Variants in ADAMTSL1 observed in about 807,000 individuals in gnomAD.
ADAMTSL1 encodes ADAMTS like 1, also known as ADAMTS-like protein 1.
In ADAMTSL1, 126 loss-of-function variants were observed where a neutral mutation model predicts 201.8. That is an observed-to-expected ratio of 0.62 (90% CI 0.54 to 0.72). The LOEUF is 0.72. Among genes scored for constraint, ADAMTSL1 ranks in the 30% least tolerant of loss-of-function variants. The pLI, the probability that ADAMTSL1 is intolerant of heterozygous loss-of-function variation, is 0.00. For synonymous variants in ADAMTSL1, 1,121 were observed against 903.4 expected, an observed-to-expected ratio of 1.24 and a Z score of -4.32; for missense variants, 2,679 against 2,277.8, an observed-to-expected ratio of 1.18 and a Z score of -3.59.
chr9:18,073,259 G>T (rs1338459529), intron 1 of ADAMTSL1, among the ~76,000 whole-genome samples: 2 of 152,118 alleles, frequency 1.3e-5, no homozygotes, highest in Non-Finnish European at 2.9e-5. Flanking sequence ...TGAATTGTGG[G>T]CCCTGTGAGG....
chr9:17,959,429 A>C (rs1057480655), intron 1 of ADAMTSL1, among the ~76,000 whole-genome samples: 4 of 152,016 alleles, frequency 2.6e-5, no homozygotes, highest in African/African-American at 9.7e-5. Flanking sequence ...CAATTAGGTT[A>C]ATTTTTTAAT....
At chr9:17,995,102 G>A (rs1819317853) in intron 1 of ADAMTSL1, among the ~76,000 whole-genome samples, 1 of 152,164 alleles carries the variant, frequency 6.6e-6, no homozygotes, top group African/African-American at 2.4e-5. Context: ...TTACTTAACA[G>A]AGAATGGGAG....
chr9:18,904,911 T>C (rs1385461527), intron 26 of ADAMTSL1, among the ~76,000 whole-genome samples: 1 of 151,900 alleles, frequency 6.6e-6, no homozygotes, highest in African/African-American at 2.4e-5. Context: ...ACCTTTGAGG[T>C]CATGGATCCC....
chr9:18,425,277 A>G (rs568828145), intron 2 of ADAMTSL1, among the ~76,000 whole-genome samples: 1 of 152,184 alleles, frequency 6.6e-6, no homozygotes, highest in East Asian at 1.9e-4. Flanking sequence ...GAACTGTAAA[A>G]TTATTAGAGT....
At position 18,365,885 on chromosome 9, in the gene ADAMTSL1, C is replaced by T. The variant is rs144142529; in HGVS notation, c.208-138944C>T. 2.0e-3 allele frequency among the ~76,000 whole-genome samples: 297 copies of T among 152,156 alleles called. 3 individuals carry two copies. The highest frequency in any genetic ancestry group is 6.8e-3 in the African/African-American group (282 of 41,522). ...ATCAGATTCTTACAGGAGTGTGAAC[C>T]CTATTGTGAACTGCACATGGGAGGG... On this transcript the variant is annotated intron_variant, in intron 2 of 29. Transcript: ENST00000680146.
intron 1 of ADAMTSL1, among the ~76,000 whole-genome samples, chr9:18,070,844 C>G (rs1036835652): frequency 1.3e-5 from 2 of 152,124 alleles, no homozygotes; most frequent in African/African-American, 4.8e-5. Flanking sequence ...CACTCATCCC[C>G]ACCCCGATGA....
At chr9:18,479,939 A>G (rs779228262) in intron 1 of ADAMTSL1, among the ~76,000 whole-genome samples, 3 of 152,202 alleles carry the variant, frequency 2.0e-5, no homozygotes, top group Non-Finnish European at 4.4e-5. Context: ...AGAGGTATAT[A>G]TTCTGTATTC....
At chr9:18,210,993 G>C (rs565601629) in intron 2 of ADAMTSL1, among the ~76,000 whole-genome samples, 2 of 151,970 alleles carry the variant, frequency 1.3e-5, no homozygotes, top group South Asian at 4.2e-4. Flanking sequence ...TGACAGAGGA[G>C]AGAAGCGACA....
intron 4 of ADAMTSL1, among the ~76,000 whole-genome samples, chr9:18,584,861 G>A (rs528234623): frequency 1.4e-4 from 22 of 152,220 alleles, no homozygotes; most frequent in South Asian, 1.2e-3. Flanking sequence ...ACCAAATGCC[G>A]GCACCTGGAT....
intron 22 of ADAMTSL1, among the ~76,000 whole-genome samples, chr9:18,829,154 A>G (rs961819561): frequency 6.6e-6 from 1 of 152,108 alleles, no homozygotes; most frequent in Non-Finnish European, 1.5e-5. Flanking sequence ...AAGCCACTAT[A>G]TATTTCCCAT....
At chr9:18,382,083 T>G (rs545147366) in intron 2 of ADAMTSL1, among the ~76,000 whole-genome samples, 1 of 152,288 alleles carries the variant, frequency 6.6e-6, no homozygotes, top group Non-Finnish European at 1.5e-5. Flanking sequence ...ATGCAATGAT[T>G]GTGTAGATTG....
intron 20 of ADAMTSL1, among the ~76,000 whole-genome samples, chr9:18,812,823 G>C (rs1194348456): frequency 6.6e-6 from 1 of 152,094 alleles, no homozygotes; most frequent in Non-Finnish European, 1.5e-5. Flanking sequence ...TGAGTTGGCT[G>C]TAAGTACGTG....
intron 2 of ADAMTSL1, among the ~76,000 whole-genome samples, chr9:18,233,854 A>G (rs1027613363): frequency 6.6e-6 from 1 of 152,162 alleles, no homozygotes; most frequent in Non-Finnish European, 1.5e-5. Flanking sequence ...GTGGCTCATG[A>G]GAGGCAAGGG....
chr9:18,433,885 C>T (rs763947991), intron 2 of ADAMTSL1, among the ~76,000 whole-genome samples: 4 of 152,160 alleles, frequency 2.6e-5, no homozygotes, highest in Non-Finnish European at 5.9e-5. Context: ...GGATTCAATA[C>T]AGAATGTGTC....
chr9:18,375,397 G>T (rs1837244057), intron 2 of ADAMTSL1, among the ~76,000 whole-genome samples: 1 of 152,110 alleles, frequency 6.6e-6, no homozygotes, highest in South Asian at 2.1e-4. Flanking sequence ...ACAACGTTCA[G>T]GTTTTTGGGC....
intron 1 of ADAMTSL1, among the ~76,000 whole-genome samples, chr9:18,110,482 T>C (rs1486050196): frequency 1.3e-5 from 2 of 152,186 alleles, no homozygotes; most frequent in South Asian, 2.1e-4. Context: ...AGATAACTTC[T>C]TGTGACACAC....
intron 22 of ADAMTSL1, among the ~76,000 whole-genome samples, chr9:18,828,207 G>A (rs1824713192): frequency 6.6e-6 from 1 of 152,114 alleles, no homozygotes; most frequent in Admixed American, 6.5e-5. Context: ...TATAAGTGGT[G>A]GCCTCTACCC....
intron 2 of ADAMTSL1, among the ~76,000 whole-genome samples, chr9:18,215,894 C>T (rs1006680575): frequency 1.9e-4 from 29 of 152,154 alleles, no homozygotes; most frequent in African/African-American, 7.0e-4. Context: ...TTTGTCAACT[C>T]ACCAAATGTT....
At chr9:18,565,634 T>G (rs1821842224) in intron 3 of ADAMTSL1, among the ~76,000 whole-genome samples, 1 of 151,994 alleles carries the variant, frequency 6.6e-6, no homozygotes, top group African/African-American at 2.4e-5. Context: ...AGAACGGCCT[T>G]TACCTGCTAT....
Sources: gnomAD v4.1 joint callset for allele counts (sites outside exome capture counted in the v4.1 genomes callset) on GRCh38, gnomAD v4.1.1 for gene constraint, MANE v1.5 for transcripts, NCBI Gene and HGNC (gene_info 2026-07-23, HGNC 2026-07-21) for gene names.